Variants in ACVR1C observed in about 807,000 individuals in gnomAD.
The protein encoded by ACVR1C is activin A receptor type 1C, also known as activin receptor type-1C.
A neutral mutation model predicts 57.9 loss-of-function variants in ACVR1C; 23 were observed. That is an observed-to-expected ratio of 0.40 (90% CI 0.29 to 0.56). ACVR1C has a LOEUF of 0.56. ACVR1C is among the 20% of genes least tolerant of loss of function. The pLI is 0.50. For missense variants in ACVR1C, 480 were observed against 607.9 expected (o/e 0.79, Z 2.21); for synonymous variants, 214 against 215.3 (o/e 0.99, Z 0.05).
Position 157,554,268 on chromosome 2 carries a change from A to AAAGAAAGAAAGAAAGG in ACVR1C, c.544+1824_544+1825insCCTTTCTTTCTTTCTT, listed in dbSNP as rs1261113225. On this transcript the variant is annotated intron_variant, in intron 3 of 8. Transcript: ENST00000243349. ...GAAAGAAAGAAAGAAAGAAAGAAAG[A>AAAGAAAGAAAGAAAGG]AAGGAAGGAAGGAAGAGAGAGAGAG... Among the ~76,000 whole-genome samples, 492 of 113,296 alleles carry AAAGAAAGAAAGAAAGG rather than the reference A, an allele frequency of 4.3e-3. 1 individual carries two copies. The highest frequency in any genetic ancestry group is 5.3e-3 in the African/African-American group (102 of 19,378). The allele number at this position is 113,296 out of a possible 152,430, so 74.3% of individuals were successfully genotyped here.
At chr2:157,561,908 A>G (rs936596130) in intron 2 of ACVR1C, among the ~76,000 whole-genome samples, 2 of 152,178 alleles carry the variant, frequency 1.3e-5, no homozygotes, top group African/African-American at 4.8e-5. Flanking sequence ...AATGCCAGAA[A>G]AGCAGGGCAG....
Position 157,533,948 on chromosome 2 carries a change from T to C in ACVR1C, c.1452A>G (p.Gln484=), listed in dbSNP as rs751123693. 3.7e-5 allele frequency: 59 copies of C among 1,589,254 alleles called. No homozygotes were observed. Among genetic ancestry groups the C allele is most frequent in the Non-Finnish European group, 5.0e-5 (58 of 1,170,896 alleles). The change falls in exon 9 of 9, where the codon CAA becomes CAG. Residue 484 remains glutamine (Q), a synonymous_variant. Coordinates refer to ENST00000243349, the MANE Select transcript of ACVR1C (RefSeq NM_145259.3). ...TALRIKKTIS[Q]LCVKEDCKA is the part of the protein sequence containing the mutation. ...CTTTGCAGTCTTCTTTGACACAAAG[T>C]TGAGATATAGTCTTCTTAATACGAA...
intron 1 of ACVR1C, among the ~76,000 whole-genome samples, chr2:157,596,663 TTAAA>T (rs1386876904): frequency 2.6e-5 from 4 of 152,232 alleles, no homozygotes; most frequent in Non-Finnish European, 5.9e-5. Context: ...TTTTAGACAC[TTAAA>T]TATATATGCA....
intron 2 of ACVR1C, among the ~76,000 whole-genome samples, chr2:157,585,364 C>T (rs1206792899): frequency 6.6e-6 from 1 of 152,000 alleles, no homozygotes; most frequent in African/African-American, 2.4e-5. Flanking sequence ...GACCTTAATA[C>T]AGTTGATTTT....
chr2:157,605,385 C>T (rs1682369041), intron 1 of ACVR1C, among the ~76,000 whole-genome samples: 1 of 151,696 alleles, frequency 6.6e-6, no homozygotes, highest in Admixed American at 6.6e-5. Flanking sequence ...TTGCCTTTCC[C>T]TATAAATTTT....
At chr2:157,607,049 C>A (rs924517131) in intron 1 of ACVR1C, among the ~76,000 whole-genome samples, 7 of 151,846 alleles carry the variant, frequency 4.6e-5, no homozygotes, top group African/African-American at 1.4e-4. Flanking sequence ...CTTTTCTCAG[C>A]ATCATTCATT....
intron 1 of ACVR1C, among the ~76,000 whole-genome samples, chr2:157,593,352 A>G (rs964471797): frequency 6.6e-6 from 1 of 152,206 alleles, no homozygotes; most frequent in African/African-American, 2.4e-5. Context: ...TGTTGGTTAC[A>G]TATTACTACG....
intron 7 of ACVR1C, among the ~76,000 whole-genome samples, chr2:157,539,994 T>A (rs555889626): frequency 1.3e-5 from 2 of 152,326 alleles, no homozygotes; most frequent in African/African-American, 4.8e-5. Flanking sequence ...CAAAATGACA[T>A]CACTACAAAG....
intron 2 of ACVR1C, among the ~76,000 whole-genome samples, chr2:157,567,376 G>A (rs1268690349): frequency 1.0e-5 from 1 of 95,402 alleles, no homozygotes; most frequent in African/African-American, 4.9e-5. Flanking sequence ...GAATGATTTT[G>A]ACGAGCTGAG....
chr2:157,597,078 G>T (rs1230287368), intron 1 of ACVR1C, among the ~76,000 whole-genome samples: 1 of 152,118 alleles, frequency 6.6e-6, no homozygotes, highest in Non-Finnish European at 1.5e-5. Context: ...CCTTCCTGCC[G>T]TTCGGAGGAC....
intron 2 of ACVR1C, among the ~76,000 whole-genome samples, chr2:157,559,579 C>G (rs1573919727): frequency 6.6e-6 from 1 of 152,248 alleles, no homozygotes; most frequent in Admixed American, 6.5e-5. Flanking sequence ...TGATGCTTTG[C>G]AATTTAGGGG....
chr2:157,559,098 A>C (rs890662638), intron 2 of ACVR1C, among the ~76,000 whole-genome samples: 19 of 152,252 alleles, frequency 1.2e-4, no homozygotes, highest in Admixed American at 5.2e-4. Context: ...TATTAGGCAG[A>C]GCTCAGATCA....
chr2:157,619,502 C>G (rs1160702256), intron 1 of ACVR1C, among the ~76,000 whole-genome samples: 1 of 151,942 alleles, frequency 6.6e-6, no homozygotes, highest in Non-Finnish European at 1.5e-5. Context: ...GGCCTATTGG[C>G]TATAAATAAG....
intron 1 of ACVR1C, among the ~76,000 whole-genome samples, chr2:157,624,072 A>C (rs1682845208): frequency 6.6e-6 from 1 of 152,208 alleles, no homozygotes; most frequent in Non-Finnish European, 1.5e-5. Flanking sequence ...TGAGCTTTTT[A>C]ATGATCCATG....
rs1363786345 is a variant in ACVR1C, at chr2:157,576,956, G to A, written c.304+10231C>T. Among the ~76,000 whole-genome samples the A allele has an allele frequency of 2.6e-5, 2 of 78,402 alleles. 1 individual carries two copies. The highest frequency in any genetic ancestry group is 5.1e-5 in the Non-Finnish European group (2 of 39,562). The allele number at this position is 78,402 out of a possible 152,430, so 51.4% of individuals were successfully genotyped here. A position where few individuals can be genotyped will look rare whatever the true frequency, so the allele number is the denominator to read the frequency against. The stretch of plus-strand genomic sequence containing the variant: ...TGCAAGCTCCGCTTCCCGGGTTCAC[G>A]CCATTCTCCTGCCTCAGCCTCCCCA... On this transcript the variant is annotated intron_variant, in intron 2 of 8. Coordinates refer to ENST00000243349, the MANE Select transcript of ACVR1C (RefSeq NM_145259.3).
At chr2:157,606,128 G>A (rs1682390580) in intron 1 of ACVR1C, among the ~76,000 whole-genome samples, 1 of 151,538 alleles carries the variant, frequency 6.6e-6, no homozygotes, top group South Asian at 2.1e-4. Context: ...CAAATAACAT[G>A]GTTACATTCT....
In ACVR1C at chr2:157,601,120, C is replaced by T. The variant is rs531180755; in HGVS notation, c.74-13703G>A. On this transcript the variant is annotated intron_variant, in intron 1 of 8. Transcript: ENST00000243349. ...ATCACTTGAGGTCAGGAGTTCGAGA[C>T]CAGCCTAGCCAACATGTTAAAACCC... 2.2e-3 allele frequency among the ~76,000 whole-genome samples: 336 copies of T among 152,046 alleles called. 2 individuals are homozygous for T. The highest frequency in any genetic ancestry group is 7.8e-3 in the African/African-American group (325 of 41,452).
At chr2:157,555,134 C>T (rs562357026) in intron 3 of ACVR1C, among the ~76,000 whole-genome samples, 3 of 75,214 alleles carry the variant, frequency 4.0e-5, no homozygotes, top group African/African-American at 2.4e-4. Context: ...TTTTTTGAGA[C>T]GGAGTCTCGC....
chr2:157,614,203 CCTT>C (rs1558997604), intron 1 of ACVR1C, among the ~76,000 whole-genome samples: 3 of 152,056 alleles, frequency 2.0e-5, no homozygotes, highest in African/African-American at 4.8e-5. Context: ...ATAGCAATGT[CCTT>C]CTTTCATTTC....
Sources: gnomAD v4.1 joint callset for allele counts (sites outside exome capture counted in the v4.1 genomes callset) on GRCh38, gnomAD v4.1.1 for gene constraint, MANE v1.5 for transcripts, NCBI Gene and HGNC (gene_info 2026-07-23, HGNC 2026-07-21) for gene names.